Variants in PDE1C observed in about 807,000 individuals in gnomAD.
PDE1C encodes the protein phosphodiesterase 1C, also known as dual specificity calcium/calmodulin-dependent 3',5'-cyclic nucleotide phosphodiesterase 1C.
A neutral mutation model predicts 93.1 loss-of-function variants in PDE1C; 62 were observed. That is an observed-to-expected ratio of 0.67 (90% CI 0.54 to 0.82). The LOEUF is 0.82. Among genes scored for constraint, PDE1C ranks in the 40% least tolerant of loss-of-function variants. The pLI is 0.00. For synonymous variants in PDE1C, 325 were observed against 310.1 expected, an observed-to-expected ratio of 1.05 and a Z score of -0.50; for missense variants, 742 against 884.6, an observed-to-expected ratio of 0.84 and a Z score of 2.04.
At chr7:32,319,969 G>A (rs1783254757) in intron 1 of PDE1C, among the ~76,000 whole-genome samples, 1 of 152,120 alleles carries the variant, frequency 6.6e-6, no homozygotes, top group Non-Finnish European at 1.5e-5. Flanking sequence ...GATAAAAGAG[G>A]TCCCAGAGTC....
chr7:31,622,728 G>A, the PDE1C span, among the ~76,000 whole-genome samples: 1 of 152,056 alleles, frequency 6.6e-6, no homozygotes, highest in African/African-American at 2.4e-5. Context: ...ACATTCAAAA[G>A]CTAACAGAAG....
At chr7:32,346,287 A>G (rs911208000) in intron 1 of PDE1C, among the ~76,000 whole-genome samples, 2 of 152,218 alleles carry the variant, frequency 1.3e-5, no homozygotes, top group African/African-American at 2.4e-5. Flanking sequence ...TAAGACATGC[A>G]CCAGATCTAG....
chr7:32,040,483 T>A (rs1038733542), intron 2 of PDE1C, among the ~76,000 whole-genome samples: 14 of 152,102 alleles, frequency 9.2e-5, no homozygotes, highest in African/African-American at 3.1e-4. Flanking sequence ...CATTGCCAAA[T>A]ACCCTCGTAG....
intron 3 of PDE1C, among the ~76,000 whole-genome samples, chr7:32,089,217 T>A (rs1484378786): frequency 6.6e-6 from 1 of 152,202 alleles, no homozygotes; most frequent in Non-Finnish European, 1.5e-5. Context: ...ATTTTTGGTA[T>A]GTTGTATGTA....
chr7:31,662,315 AAAG>A, the PDE1C span, among the ~76,000 whole-genome samples: 1 of 152,216 alleles, frequency 6.6e-6, no homozygotes, highest in East Asian at 1.9e-4. Flanking sequence ...TGAATAGAAA[AAAG>A]TGAAATGAAG....
At chr7:31,759,270 C>G (rs1180451614) in intron 17 of PDE1C, among the ~76,000 whole-genome samples, 1 of 152,156 alleles carries the variant, frequency 6.6e-6, no homozygotes, top group Non-Finnish European at 1.5e-5. Flanking sequence ...GTGGACCATT[C>G]TTCTGGGGTC....
At chr7:31,836,056 T>C (rs1005561817) in intron 11 of PDE1C, among the ~76,000 whole-genome samples, 7 of 152,238 alleles carry the variant, frequency 4.6e-5, no homozygotes, top group African/African-American at 1.7e-4. Context: ...CTGTTGAATC[T>C]CTTTTCTTGA....
chr7:31,702,933 G>A, the PDE1C span, among the ~76,000 whole-genome samples: 12 of 152,130 alleles, frequency 7.9e-5, no homozygotes, highest in Non-Finnish European at 1.6e-4. Context: ...AATATTTATG[G>A]GCAGGGAGTC....
At position 32,228,818 on chromosome 7, in the gene PDE1C, A is replaced by G. The variant is rs181068770; in HGVS notation, c.86-19279T>C. Among the ~76,000 whole-genome samples the G allele has an allele frequency of 1.5e-3, 228 of 152,222 alleles. 2 individuals are homozygous for G. The highest frequency in any genetic ancestry group is 0.013 in the Admixed American group (202 of 15,296). The stretch of plus-strand genomic sequence containing the variant: ...AGGGAGGAACTCCTCACAGCCCAAG[A>G]CACTCTTCCTTTCTAGCCCCAGCTC... On this transcript the variant is annotated intron_variant, in intron 1 of 18. Transcript: ENST00000396193.
intron 2 of PDE1C, among the ~76,000 whole-genome samples, chr7:31,979,257 C>G (rs149889015): frequency 6.6e-6 from 1 of 152,134 alleles, no homozygotes; most frequent in Non-Finnish European, 1.5e-5. Context: ...TACACAGACA[C>G]AAGTTCTTAT....
intron 3 of PDE1C, among the ~76,000 whole-genome samples, chr7:32,092,218 A>T (rs1483504621): frequency 8.6e-5 from 13 of 151,968 alleles, no homozygotes; most frequent in Non-Finnish European, 1.9e-4. Flanking sequence ...GAAAAAGAGG[A>T]AGGAAAGAGT....
intron 2 of PDE1C, among the ~76,000 whole-genome samples, chr7:31,894,083 A>G (rs959494169): frequency 6.6e-6 from 1 of 152,236 alleles, no homozygotes; most frequent in Non-Finnish European, 1.5e-5. Context: ...GGAAAGAGGA[A>G]GAAACAATTC....
At chr7:32,028,006 G>A (rs1177778617) in intron 2 of PDE1C, among the ~76,000 whole-genome samples, 1 of 152,120 alleles carries the variant, frequency 6.6e-6, no homozygotes, top group Non-Finnish European at 1.5e-5. Context: ...ACAGGATGAT[G>A]CAAAATCAAT....
At chr7:32,029,544 A>T (rs1251893908) in intron 2 of PDE1C, among the ~76,000 whole-genome samples, 1 of 152,114 alleles carries the variant, frequency 6.6e-6, no homozygotes, top group Non-Finnish European at 1.5e-5. Context: ...TAGGGTCTGC[A>T]ACAAGAGTGG....
At chr7:31,815,711 G>C (rs972812313) in intron 15 of PDE1C, among the ~76,000 whole-genome samples, 2 of 152,098 alleles carry the variant, frequency 1.3e-5, no homozygotes, top group Non-Finnish European at 2.9e-5. Flanking sequence ...TGGCCAGAAA[G>C]GTATCAATCT....
rs187723434 is a variant in PDE1C, at chr7:32,400,957, C to T, written c.310+26865G>A. Among the ~76,000 whole-genome samples, 3 of 152,324 alleles carry T rather than the reference C, an allele frequency of 2.0e-5. No homozygotes were observed. The East Asian group carries it at 5.8e-4, about 29-fold the overall frequency. On this transcript the variant is annotated intron_variant, in intron 1 of 1. Coordinates refer to the PDE1C transcript ENST00000672256. Reference sequence around the variant, plus strand: ...ACTCTGAGAACACATCTTCACTTTGCCTAAGTGGCAAAACATCTTGAGTAA... The same window carrying T: ...ACTCTGAGAACACATCTTCACTTTGTCTAAGTGGCAAAACATCTTGAGTAA...
chr7:32,185,070 C>T (rs550897060), intron 2 of PDE1C, among the ~76,000 whole-genome samples: 1 of 151,336 alleles, frequency 6.6e-6, no homozygotes, highest in South Asian at 2.1e-4. Context: ...GAGATCGCAC[C>T]ATTGCACTCC....
intron 1 of PDE1C, chr7:32,298,619 C>A (rs770430697): frequency 1.3e-6 from 2 of 1,578,426 alleles, no homozygotes; most frequent in Admixed American, 1.8e-5. Context: ...TTTGCCCGAG[C>A]CAGGAGTCCG....
chr7:31,929,522 G>T lies in PDE1C; in HGVS notation c.129-48662C>A, dbSNP rs149357092. Among the ~76,000 whole-genome samples, 289 of 152,112 alleles carry T rather than the reference G, an allele frequency of 1.9e-3. 1 individual carries two copies. The highest frequency in any genetic ancestry group is 6.8e-3 in the African/African-American group (284 of 41,472). ...ACCACATAGCAATTATCCTAAAATCGACCATATATTTGGAAGTAAAACACT... is the reference window on the plus strand; with the variant it reads ...ACCACATAGCAATTATCCTAAAATCTACCATATATTTGGAAGTAAAACACT... On this transcript the variant is annotated intron_variant, in intron 2 of 17. Transcript: ENST00000396191.
Sources: allele counts gnomAD v4.1 joint callset (sites outside exome capture counted in the v4.1 genomes callset), GRCh38; gene constraint gnomAD v4.1.1; transcripts MANE v1.5; gene names NCBI Gene and HGNC (gene_info 2026-07-23, HGNC 2026-07-21).